The following MCRS1 variants were observed in gnomAD, a reference collection of about 807,000 sequenced individuals.
MCRS1 encodes the protein microspherule protein 1.
Under a neutral mutation model 62.9 loss-of-function variants are expected in MCRS1, and 22 were observed. The ratio of observed to expected loss-of-function variants is 0.35; its 90% CI spans 0.25 to 0.50. The LOEUF (loss-of-function observed/expected upper bound fraction) is 0.50. MCRS1 is among the 20% of genes least tolerant of loss of function. The pLI is 0.98. For missense variants in MCRS1, 456 were observed against 601.1 expected (o/e 0.76, Z 2.52); for synonymous variants, 244 against 233.5 (o/e 1.04, Z -0.41).
chr12:49,562,823 T>C (rs1938839860), intron 8 of MCRS1, among the ~76,000 whole-genome samples, 178 bp downstream of exon 8: 2 of 152,336 alleles, frequency 1.3e-5, no homozygotes, highest in African/African-American at 4.8e-5. Flanking sequence ...CTGAAGACCA[T>C]TCCAGCCACT....
At position 49,558,460 on chromosome 12, in the gene MCRS1, G is replaced by A; in HGVS notation, c.*183C>T. On this transcript the variant is annotated 3_prime_UTR_variant, in exon 15 of 15. Coordinates refer to ENST00000343810, the MANE Select transcript of MCRS1 (RefSeq NM_006337.5). The stretch of plus-strand genomic sequence containing the variant: ...GGCTCTGGATCTAGGGAAGCCTGAG[G>A]TTCTCAGCCTCTGCTGGCTTCACAA... 1 of 609,976 alleles carries A rather than the reference G, an allele frequency of 1.6e-6. No homozygotes were observed. Among genetic ancestry groups the A allele is most frequent in the Non-Finnish European group, 2.8e-6 (1 of 357,902 alleles). The allele number at this position is 609,976 out of a possible 1,614,324, so 37.8% of individuals were successfully genotyped here. A position where few individuals can be genotyped will look rare whatever the true frequency, so the allele number is the denominator to read the frequency against.
chr12:49,560,387 G>T lies in MCRS1; in HGVS notation c.806-17C>A. On this transcript the variant is annotated splice_polypyrimidine_tract_variant and intron_variant, in intron 8 of 14. Coordinates refer to ENST00000343810, the MANE Select transcript of MCRS1 (RefSeq NM_006337.5). ...GCGGCTGCACTGAACAAAGGACAGAGAAAGCGTGAGCACCAAGGGTCTTGC... is the reference window on the plus strand; with the variant it reads ...GCGGCTGCACTGAACAAAGGACAGATAAAGCGTGAGCACCAAGGGTCTTGC... 3 of 1,613,216 alleles carry T rather than the reference G, an allele frequency of 1.9e-6. No homozygotes were observed. Among genetic ancestry groups the T allele is most frequent in the South Asian group, 2.2e-5 (2 of 91,056 alleles).
In MCRS1 at chr12:49,559,503, GT is replaced by G; in HGVS notation, c.1035del (p.Leu346TrpfsTer12). 6.2e-7 allele frequency: 1 copy of G among 1,612,412 alleles called. No individual in the cohort carries two copies. The highest frequency in any genetic ancestry group is 8.5e-7 in the Non-Finnish European group (1 of 1,180,038). The part of the protein sequence containing the change: ...GMSSPDFDNQ[T>X]LAVLRGRMVR... The stretch of plus-strand genomic sequence containing the variant: ...ACCATGCGGCCCCGCAGCACTGCCA[GT>G]GTCTGGTTGTCGAAGTCCGGAGAGC... On this transcript the variant is annotated frameshift_variant, in exon 12 of 15. Transcript: ENST00000343810. LOFTEE classifies it high-confidence loss of function. This position sits in a 1 kb window ranked among gnomAD's most constrained non-coding sequence, Gnocchi z 5.2.
chr12:49,563,099 T>A lies in MCRS1; in HGVS notation c.707A>T (p.His236Leu). The change falls in exon 8 of 15, where the codon CAC (histidine) becomes CTC (leucine). Residue 236 changes from histidine to leucine, a missense_variant. Physicochemically the swap from His to Leu is moderately conservative, Grantham distance 99. Coordinates refer to ENST00000343810, the MANE Select transcript of MCRS1 (RefSeq NM_006337.5). ...PTLETFQDLL[H>L]RHPDAFYLAR... ...CAGGTAGAAGGCATCAGGGTGTCTG[T>A]GCAGCAGGTCCTGGAAGGTCTCCAA... 4 of 1,566,348 alleles carry A rather than the reference T, an allele frequency of 2.6e-6. No individual in the cohort carries two copies. The highest frequency in any genetic ancestry group is 3.5e-6 in the Non-Finnish European group (4 of 1,153,948).
At chr12:49,558,795 A>T in intron 14 of MCRS1, 48 bp downstream of exon 14, 16 of 1,613,482 alleles carry the variant, frequency 9.9e-6, no homozygotes, top group Non-Finnish European at 1.3e-5. Flanking sequence ...GTACTGGCTC[A>T]CCACGCCTAG....
chr12:49,567,432 G>A (rs1350028958), intron 1 of MCRS1, among the ~76,000 whole-genome samples: 1 of 151,972 alleles, frequency 6.6e-6, no homozygotes, highest in Non-Finnish European at 1.5e-5. Context: ...ACAACCCCTA[G>A]AGAACCCAGG....
intron 9 of MCRS1, 127 bp downstream of exon 9, chr12:49,560,168 G>A: frequency 1.6e-6 from 2 of 1,222,632 alleles, no homozygotes; most frequent in Non-Finnish European, 2.4e-6. Flanking sequence ...GGGAGGGGAG[G>A]GGGCTCAGCC....
rs1379856717 is a variant in MCRS1 at position 49,565,962 on chromosome 12, C to T, written c.149+115G>A. On this transcript the variant is annotated intron_variant, in intron 3 of 14. Coordinates refer to ENST00000343810, the MANE Select transcript of MCRS1 (RefSeq NM_006337.5). ...GGAAAAGCACAAGGCTCTGCCAATACTAAGGCCCCAGAGGGGCTCAGGCAG... is the reference window on the plus strand; with the variant it reads ...GGAAAAGCACAAGGCTCTGCCAATATTAAGGCCCCAGAGGGGCTCAGGCAG... The T allele has an allele frequency of 3.5e-6, 5 of 1,425,556 alleles. No homozygotes were observed. The African/African-American group carries it at 4.3e-5, about 12-fold the overall frequency. 88.3% of individuals were successfully genotyped at this position (1,425,556 alleles called of 1,614,324 possible). A position where few individuals can be genotyped will look rare whatever the true frequency, so the allele number is the denominator to read the frequency against.
intron 3 of MCRS1, 79 bp from the exon 4 acceptor site, chr12:49,565,746 G>C: frequency 2.5e-6 from 4 of 1,599,372 alleles, no homozygotes; most frequent in Non-Finnish European, 3.4e-6. Flanking sequence ...CCAAAAGAGA[G>C]CAGGTGCCCA....
rs578135237 is a variant in MCRS1 at position 49,565,086 on chromosome 12, C to T, written c.289-191G>A. The T allele has an allele frequency of 1.1e-5, 11 of 985,446 alleles. No homozygotes were observed. In the African/African-American group the frequency reaches 1.4e-4, roughly 12 times the overall value. The allele number at this position is 985,446 out of a possible 1,614,324, so 61.0% of individuals were successfully genotyped here. A position where few individuals can be genotyped will look rare whatever the true frequency, so the allele number is the denominator to read the frequency against. On this transcript the variant is annotated intron_variant, in intron 4 of 14. Transcript: ENST00000343810. ...TACCCACCCCCATCCCACCAAGTTA[C>T]TTCTATATAGTCCTTGACCATACGG...
chr12:49,566,531 G>A (rs991887366), intron 2 of MCRS1, 191 bp downstream of exon 2: 10 of 1,498,918 alleles, frequency 6.7e-6, no homozygotes, highest in African/African-American at 2.8e-5. Flanking sequence ...AAATGCAGCC[G>A]TGCTAAAGAG....
At position 49,564,560 on chromosome 12, in the gene MCRS1, C is replaced by T. The variant is rs201775189; in HGVS notation, c.478G>A (p.Val160Met). 49 of 1,611,720 alleles carry T rather than the reference C, an allele frequency of 3.0e-5. 1 individual carries two copies. Among genetic ancestry groups the T allele is most frequent in the Middle Eastern group, 3.3e-4 (2 of 6,046 alleles). Residue 160 changes from valine to methionine, a missense_variant, in exon 6 of 15, where the codon GTG (valine) becomes ATG (methionine). This residue lies in a region of MCRS1 where 393 missense variants were observed against 523.5 expected (regional missense o/e 0.75). Coordinates refer to ENST00000343810, the MANE Select transcript of MCRS1 (RefSeq NM_006337.5). The stretch of plus-strand genomic sequence containing the variant: ...AGGGTGAAGCGGCAGCTGAATTTCA[C>T]GCCCAGGTGGACGGAGGTCAGGTCG... ...TNDLTSVHLG[V>M]KFSCRFTLRE...
chr12:49,559,058 G>A lies in MCRS1; in HGVS notation c.1175-88C>T. On this transcript the variant is annotated intron_variant, in intron 13 of 14. Coordinates refer to ENST00000343810, the MANE Select transcript of MCRS1 (RefSeq NM_006337.5). The surrounding 1 kb of genome is among the most constrained non-coding windows in gnomAD (Gnocchi z 5.2). ...GCCAGAGAGAGCCAGGAGCTTCCAT[G>A]GACCAGCTCTGCTTCCTGCAGACAC... The A allele has an allele frequency of 6.3e-7, 1 of 1,575,832 alleles. No individual in the cohort carries two copies. Among genetic ancestry groups the A allele is most frequent in the Non-Finnish European group, 8.7e-7 (1 of 1,151,388 alleles).
Position 49,559,172 on chromosome 12 carries a change from G to A in MCRS1, c.1174+42C>T, listed in dbSNP as rs371541534. ...AGGACAGCGAGAGGCTGGGAGGGAC[G>A]ACCTCACACTGCTTCCTGCTGGGGC... On this transcript the variant is annotated intron_variant, in intron 13 of 14. Coordinates refer to ENST00000343810, the MANE Select transcript of MCRS1 (RefSeq NM_006337.5). This position sits in a 1 kb window ranked among gnomAD's most constrained non-coding sequence, Gnocchi z 5.2. 18 of 1,595,902 alleles carry A rather than the reference G, an allele frequency of 1.1e-5. No homozygotes were observed. Among genetic ancestry groups the A allele is most frequent in the African/African-American group, 1.1e-4 (8 of 74,560 alleles).
At chr12:49,567,239 A>C (rs1939109872) in intron 1 of MCRS1, among the ~76,000 whole-genome samples, 1 of 152,082 alleles carries the variant, frequency 6.6e-6, no homozygotes. Context: ...TCCCAGGCCA[A>C]AGCAGGAAAA....
In MCRS1 at chr12:49,566,810, G is replaced by A. The variant is rs1402849876; in HGVS notation, c.-79C>T. The A allele has an allele frequency of 6.4e-7, 1 of 1,566,302 alleles. No homozygotes were observed. Among genetic ancestry groups the A allele is most frequent in the Non-Finnish European group, 8.7e-7 (1 of 1,146,348 alleles). On this transcript the variant is annotated 5_prime_UTR_variant, in exon 2 of 15. Coordinates refer to ENST00000343810, the MANE Select transcript of MCRS1 (RefSeq NM_006337.5). ...TCCCACAGGCTCATCCAAGGATTCT[G>A]ACCAGGTGAGCTTAAAGGCTGAGAG...
Position 49,559,296 on chromosome 12 carries a change from G to T in MCRS1, c.1092C>A (p.Thr364=), listed in dbSNP as rs751606561. The change falls in exon 13 of 15, where the codon ACC becomes ACA. Residue 364 remains threonine (T), a synonymous_variant. Coordinates refer to ENST00000343810, the MANE Select transcript of MCRS1 (RefSeq NM_006337.5). This position sits in a 1 kb window ranked among gnomAD's most constrained non-coding sequence, Gnocchi z 5.2. ...VRYLMRSREI[T]LGRATKDNQI... is the part of the protein sequence containing the mutation. ...GGTTATCCTTGGTTGCTCTGCCCAG[G>T]GTGATCTGGGGAAATGGGGCAGGTG... The T allele has an allele frequency of 6.2e-7, 1 of 1,614,122 alleles. No individual in the cohort carries two copies. The highest frequency in any genetic ancestry group is 1.7e-5 in the Admixed American group (1 of 60,030).
chr12:49,565,977 G>A, intron 3 of MCRS1, 100 bp downstream of exon 3: 1 of 1,490,416 alleles, frequency 6.7e-7, no homozygotes, highest in Non-Finnish European at 9.1e-7. Context: ...GCCCCAGAGG[G>A]GCTCAGGCAG....
chr12:49,565,793 C>A, intron 3 of MCRS1, 126 bp from the exon 4 acceptor site: 4 of 1,383,010 alleles, frequency 2.9e-6, no homozygotes, highest in Non-Finnish European at 4.0e-6. Flanking sequence ...TTTCACTTTA[C>A]GCCACAGCCT....
Sources: allele counts gnomAD v4.1 joint callset (sites outside exome capture counted in the v4.1 genomes callset), GRCh38; gene constraint gnomAD v4.1.1; regional missense constraint gnomAD v4.1.1; non-coding constraint Gnocchi (gnomAD v3.1); transcripts MANE v1.5; gene names NCBI Gene and HGNC (gene_info 2026-07-23, HGNC 2026-07-21).